ZNF142: variants seen among roughly 807,000 people sequenced by gnomAD.
The protein encoded by ZNF142 is zinc finger protein 142 (clone pHZ-49).
A neutral mutation model predicts 132.1 loss-of-function variants in ZNF142; 96 were observed. The ratio of observed to expected loss-of-function variants is 0.73; its 90% CI spans 0.62 to 0.86. The LOEUF (loss-of-function observed/expected upper bound fraction) is 0.86. Among genes scored for constraint, ZNF142 ranks in the 40% least tolerant of loss-of-function variants. The pLI, the probability that ZNF142 is intolerant of heterozygous loss-of-function variation, is 0.00. For synonymous variants in ZNF142, 842 were observed against 890.1 expected (o/e 0.95, Z 0.96); for missense variants, 2,163 against 2,336.2 (o/e 0.93, Z 1.53).
Position 218,656,295 on chromosome 2 carries a change from A to T in ZNF142, c.135T>A (p.Pro45=). The change falls in exon 4 of 11, where the codon CCT becomes CCA. Residue 45 remains proline, a synonymous_variant. Coordinates refer to ENST00000411696, the MANE Select transcript of ZNF142 (RefSeq NM_001379659.1). ...GILGPVQSPC[P]SRDPAPIPTE... ...TAGGTATAGGTGCAGGGTCCCGGGA[A>T]GGACAGGGGCTCTGGACAGGCCCCA... 1 of 1,612,606 alleles carries T rather than the reference A, an allele frequency of 6.2e-7. No individual in the cohort carries two copies. The highest frequency in any genetic ancestry group is 8.5e-7 in the Non-Finnish European group (1 of 1,179,244).
chr2:218,658,594 C>T (rs1938876641), intron 3 of ZNF142, 107 bp downstream of exon 3: 1 of 152,140 alleles, frequency 6.6e-6, no homozygotes, highest in Non-Finnish European at 1.5e-5. Context: ...TCCCTATTTC[C>T]AGAATCCCAT....
At chr2:218,649,997 C>G (rs960861933) in intron 6 of ZNF142, among the ~76,000 whole-genome samples, 2 of 152,144 alleles carry the variant, frequency 1.3e-5, no homozygotes, top group Non-Finnish European at 2.9e-5. Context: ...AACTGGGAAG[C>G]AAAGATTCAG....
chr2:218,646,385 G>C, intron 7 of ZNF142, 37 bp from the exon 8 acceptor site: 1 of 1,606,870 alleles, frequency 6.2e-7, no homozygotes, highest in Non-Finnish European at 8.5e-7. Flanking sequence ...AGAGAACACA[G>C]GTCAGATACA....
rs768542982 is a variant in ZNF142 at position 218,649,365 on chromosome 2, G to A, written c.1143C>T (p.His381=). The A allele has an allele frequency of 3.1e-6, 5 of 1,614,054 alleles. No individual in the cohort carries two copies. Among genetic ancestry groups the A allele is most frequent in the Admixed American group, 1.7e-5 (1 of 60,004 alleles). The part of the protein sequence containing the change: ...CFKKRTHLVE[H]LHLHFPDPSL... ...TGGGGTCTGGGAAGTGGAGATGCAGGTGCTCCACCAGATGAGTCCGCTTCT... is the reference window on the plus strand; with the variant it reads ...TGGGGTCTGGGAAGTGGAGATGCAGATGCTCCACCAGATGAGTCCGCTTCT... The change falls in exon 7 of 11, where the codon CAC becomes CAT. Residue 381 remains histidine (H), a synonymous_variant. Transcript: ENST00000411696.
intron 10 of ZNF142, among the ~76,000 whole-genome samples, chr2:218,640,251 C>T (rs1489300299): frequency 2.6e-5 from 4 of 152,034 alleles, no homozygotes; most frequent in Admixed American, 1.3e-4. Context: ...TGGATTCCAT[C>T]CACACCCAGG....
At chr2:218,656,061 T>C in intron 4 of ZNF142, 89 bp downstream of exon 4, 2 of 1,388,416 alleles carry the variant, frequency 1.4e-6, no homozygotes, top group Non-Finnish European at 1.9e-6. Flanking sequence ...TACCTTGTGT[T>C]CTCATCATAT....
At position 218,648,909 on chromosome 2, in the gene ZNF142, C is replaced by T; in HGVS notation, c.1599G>A (p.Met533Ile). Residue 533 changes from methionine (M) to isoleucine (I), a missense_variant, in exon 7 of 11, where the codon ATG becomes ATA. Around this residue, in one of 7 missense-constraint regions of ZNF142, gnomAD observed 749 missense variants for 830.3 expected, o/e 0.90. Coordinates refer to ENST00000411696, the MANE Select transcript of ZNF142 (RefSeq NM_001379659.1). ...CPMLFATAEA[M>I]EAHHKSHYAF... ...CGTAGTGACTCTTGTGGTGGGCCTCCATGGCTTCGGCTGTGGCAAAGAGCA... is the reference window on the plus strand; with the variant it reads ...CGTAGTGACTCTTGTGGTGGGCCTCTATGGCTTCGGCTGTGGCAAAGAGCA... 6.2e-7 allele frequency: 1 copy of T among 1,614,008 alleles called. No homozygotes were observed. The highest frequency in any genetic ancestry group is 8.5e-7 in the Non-Finnish European group (1 of 1,180,036).
chr2:218,638,208 G>A lies in ZNF142; in HGVS notation c.*131C>T, dbSNP rs112942648. On this transcript the variant is annotated 3_prime_UTR_variant, in exon 11 of 11. Transcript: ENST00000411696. ...CAAAGTACTATAGCCAGAGTCCCAG[G>A]AAGGTTCTAGTCACCCTTGTACCCC... 287 of 772,882 alleles carry A rather than the reference G, an allele frequency of 3.7e-4. 1 individual carries two copies. The African/African-American group carries it at 4.7e-3, about 13-fold the overall frequency. The allele number at this position is 772,882 out of a possible 1,614,324, so 47.9% of individuals were successfully genotyped here.
chr2:218,654,951 G>A (rs2106272320), intron 4 of ZNF142, among the ~76,000 whole-genome samples: 1 of 152,114 alleles, frequency 6.6e-6, no homozygotes, highest in Admixed American at 6.6e-5. Flanking sequence ...AGCTGAGTGT[G>A]GGTGGTATAC....
In ZNF142 at chr2:218,646,273, G is replaced by A; in HGVS notation, c.1949C>T (p.Thr650Ile). The change falls in exon 8 of 11, where the codon ACC becomes ATC. Residue 650 changes from threonine (T) to isoleucine (I), a missense_variant. Thr to Ile is a moderately conservative substitution (Grantham distance 89). This residue lies in a region of ZNF142 where 749 missense variants were observed against 830.3 expected (regional missense o/e 0.90). Coordinates refer to ENST00000411696, the MANE Select transcript of ZNF142 (RefSeq NM_001379659.1). ...DVSYLSKHMLTHSNTKDYMCT... is the reference protein window; with the variant it reads ...DVSYLSKHMLIHSNTKDYMCT... Reference sequence around the variant, plus strand: ...CATGTAATCCTTGGTGTTGGAGTGGGTCAGCATGTGCTTGGATAGGTAGCT... The same window carrying A: ...CATGTAATCCTTGGTGTTGGAGTGGATCAGCATGTGCTTGGATAGGTAGCT... 1 of 1,614,196 alleles carries A rather than the reference G, an allele frequency of 6.2e-7. No individual in the cohort carries two copies. Among genetic ancestry groups the A allele is most frequent in the Non-Finnish European group, 8.5e-7 (1 of 1,180,034 alleles).
In ZNF142 at chr2:218,651,734, C is replaced by G; in HGVS notation, c.847G>C (p.Val283Leu). Residue 283 changes from valine (V) to leucine (L), a missense_variant, in exon 5 of 11, where the codon GTT (valine) becomes CTT (leucine). Val to Leu is a conservative substitution (Grantham distance 32). Transcript: ENST00000411696. ...AGCTCCTGGGATGGAAGGCCCTGAA[C>G]GGCAGAAAGTTCTCCCTGTGTCCCA... ...GAGTQGELSAVQGLPSQELLP... is the reference protein window; with the variant it reads ...GAGTQGELSALQGLPSQELLP... The G allele has an allele frequency of 7.8e-7, 1 of 1,288,996 alleles. No homozygotes were observed. Among genetic ancestry groups the G allele is most frequent in the Non-Finnish European group, 1.0e-6 (1 of 988,430 alleles). 79.8% of individuals were successfully genotyped at this position (1,288,996 alleles called of 1,614,324 possible).
chr2:218,656,572 T>C (rs1370329754), intron 3 of ZNF142, 109 bp from the exon 4 acceptor site: 2 of 645,840 alleles, frequency 3.1e-6, no homozygotes, highest in East Asian at 3.2e-5. Context: ...TTTTCTTGCA[T>C]GGCAATATGC....
At position 218,634,305 on chromosome 2, in the gene ZNF142, A is replaced by G. The variant is rs1374824756; in HGVS notation, c.*4034T>C. 1 of 1,570,608 alleles carries G rather than the reference A, an allele frequency of 6.4e-7. No homozygotes were observed. The highest frequency in any genetic ancestry group is 1.4e-5 in the African/African-American group (1 of 73,860). On this transcript the variant is annotated 3_prime_UTR_variant, in exon 11 of 11. Coordinates refer to ENST00000411696, the MANE Select transcript of ZNF142 (RefSeq NM_001379659.1). This position sits in a 1 kb window ranked among gnomAD's most constrained non-coding sequence, Gnocchi z 4.0. ...TTCTCTAGTGATGGTAGGGTTGGGGAATGCTCAAGAAAATTGCTAGGCTGA... is the reference window on the plus strand; with the variant it reads ...TTCTCTAGTGATGGTAGGGTTGGGGGATGCTCAAGAAAATTGCTAGGCTGA...
At chr2:218,657,065 G>A (rs1004656165) in intron 3 of ZNF142, among the ~76,000 whole-genome samples, 5 of 152,120 alleles carry the variant, frequency 3.3e-5, no homozygotes, top group African/African-American at 9.7e-5. Flanking sequence ...TGATCTGCCC[G>A]TTTTGGCCTC....
chr2:218,645,957 T>A (rs1697692292), intron 8 of ZNF142, among the ~76,000 whole-genome samples: 1 of 152,172 alleles, frequency 6.6e-6, no homozygotes, highest in African/African-American at 2.4e-5. Context: ...AGATGGGGTG[T>A]TGCCCAGATG....
At position 218,635,837 on chromosome 2, in the gene ZNF142, A is replaced by G. The variant is rs139962795; in HGVS notation, c.*2502T>C. ...AACTCCCCAAAGTGGACAAGACCAA[A>G]GAGGGGTCCATTGTGGATCCACTGG... On this transcript the variant is annotated 3_prime_UTR_variant, in exon 11 of 11. Coordinates refer to ENST00000411696, the MANE Select transcript of ZNF142 (RefSeq NM_001379659.1). The G allele has an allele frequency of 8.6e-4, 1,392 of 1,613,874 alleles. 16 individuals carry two copies. The highest frequency in any genetic ancestry group is 7.9e-5 in the Non-Finnish European group (93 of 1,179,846).
rs758058398 is a variant in ZNF142 at position 218,648,942 on chromosome 2, T to C, written c.1566A>G (p.Ser522=). 1.9e-6 allele frequency: 3 copies of C among 1,613,298 alleles called. No individual in the cohort carries two copies. Among genetic ancestry groups the C allele is most frequent in the African/African-American group, 1.3e-5 (1 of 75,044 alleles). ...CGGCTGTGGCAAAGAGCATGGGACA[T>C]GAGTGATGGCGGCACTCCACAGCCC... The part of the protein sequence containing the change: ...GVRAVECRHH[S]CPMLFATAEA... The change falls in exon 7 of 11, where the codon TCA becomes TCG. Residue 522 remains serine, a synonymous_variant. Transcript: ENST00000411696.
In ZNF142 at chr2:218,636,251, C is replaced by A; in HGVS notation, c.*2088G>T. The A allele has an allele frequency of 6.2e-7, 1 of 1,613,902 alleles. No homozygotes were observed. Among genetic ancestry groups the A allele is most frequent in the Non-Finnish European group, 8.5e-7 (1 of 1,179,796 alleles). The stretch of plus-strand genomic sequence containing the variant: ...TCTGTCCACCAACTCAGGTTTTAAT[C>A]CATACTGGGGGCAGACACTATGTTT... On this transcript the variant is annotated 3_prime_UTR_variant, in exon 11 of 11. Transcript: ENST00000411696.
intron 8 of ZNF142, 40 bp downstream of exon 8, chr2:218,646,131 A>G: frequency 6.3e-7 from 1 of 1,593,186 alleles, no homozygotes; most frequent in Non-Finnish European, 8.6e-7. Context: ...CTTGGCTAAG[A>G]TTCTTGGGAT....
Sources: gnomAD v4.1 joint callset for allele counts (sites outside exome capture counted in the v4.1 genomes callset) on GRCh38, gnomAD v4.1.1 for gene constraint, gnomAD v4.1.1 regional missense constraint, Gnocchi (gnomAD v3.1) non-coding constraint, MANE v1.5 for transcripts, NCBI Gene and HGNC (gene_info 2026-07-23, HGNC 2026-07-21) for gene names.